The following LARGE1 variants were observed in gnomAD, a reference collection of about 807,000 sequenced individuals.
LARGE1 encodes the protein LARGE xylosyl- and glucuronyltransferase 1.
Under a neutral mutation model 87.6 loss-of-function variants are expected in LARGE1, and 43 were observed. The ratio of observed to expected loss-of-function variants is 0.49; its 90% CI spans 0.38 to 0.63. LARGE1 has a LOEUF of 0.63. Ranked by LOEUF, LARGE1 falls within the 30% of genes least tolerant of loss-of-function variation. The pLI is 0.00. For synonymous variants in LARGE1, 434 were observed against 394.6 expected, an observed-to-expected ratio of 1.10 and a Z score of -1.18; for missense variants, 802 against 1,000.2, an observed-to-expected ratio of 0.80 and a Z score of 2.67.
intron 1 of LARGE1, among the ~76,000 whole-genome samples, 182 bp from the exon 2 acceptor site, chr22:33,761,740 A>G (rs536355293): frequency 1.5e-4 from 22 of 150,744 alleles, no homozygotes; most frequent in South Asian, 1.5e-3. Flanking sequence ...CAATAAATAA[A>G]TAAGTAAATA....
At chr22:33,852,866 AAAAAAAAAAAAAAGAAAG>A (rs978830025) in intron 1 of LARGE1, among the ~76,000 whole-genome samples, 69 of 105,458 alleles carry the variant, frequency 6.5e-4, no homozygotes, top group South Asian at 1.8e-3. Context: ...CAAAAAAAAA[AAAAAAAAAAAAAAGAAAG>A]AAAGAAAGAA....
the LARGE1 span, among the ~76,000 whole-genome samples, chr22:33,089,385 T>TCC: frequency 1.4e-5 from 2 of 144,092 alleles, no homozygotes; most frequent in African/African-American, 5.3e-5. Context: ...CTTCTTCTTC[T>TCC]TCCTCTTCTT....
intron 3 of LARGE1, among the ~76,000 whole-genome samples, chr22:33,630,233 A>G (rs1163263658): frequency 6.6e-6 from 1 of 151,898 alleles, no homozygotes. Flanking sequence ...AAACCAAAAA[A>G]CAAACAAACA....
chr22:33,508,069 C>G (rs1248120294), intron 6 of LARGE1, among the ~76,000 whole-genome samples: 1 of 152,188 alleles, frequency 6.6e-6, no homozygotes, highest in African/African-American at 2.4e-5. Context: ...GCTCCCTCTC[C>G]TAATTAACAA....
At chr22:33,794,065 A>G (rs1246772162) in intron 1 of LARGE1, among the ~76,000 whole-genome samples, 1 of 152,188 alleles carries the variant, frequency 6.6e-6, no homozygotes, top group African/African-American at 2.4e-5. Context: ...GGCTGCAAGC[A>G]TGAAGATGGT....
At chr22:33,884,640 G>A (rs150256671) in intron 1 of LARGE1, among the ~76,000 whole-genome samples, 87 of 152,326 alleles carry the variant, frequency 5.7e-4, no homozygotes, top group African/African-American at 1.9e-3. Flanking sequence ...TCGAGGTCAC[G>A]GCTTACACTG....
At chr22:33,582,877 T>C (rs2078562552) in intron 5 of LARGE1, among the ~76,000 whole-genome samples, 2 of 152,242 alleles carry the variant, frequency 1.3e-5, no homozygotes, top group Non-Finnish European at 1.5e-5. Flanking sequence ...TGCTAGATAG[T>C]AGCTCCAAGG....
chr22:33,665,248 T>C (rs1458513349), intron 2 of LARGE1, among the ~76,000 whole-genome samples: 4 of 152,264 alleles, frequency 2.6e-5, no homozygotes, highest in African/African-American at 9.6e-5. Context: ...ATCACAACAC[T>C]CTCCTCAAGT....
intron 2 of LARGE1, among the ~76,000 whole-genome samples, chr22:33,675,018 C>T (rs1418964907): frequency 2.0e-5 from 3 of 151,688 alleles, no homozygotes; most frequent in African/African-American, 4.8e-5. Flanking sequence ...AGAGGCCAGG[C>T]GCGGTGACTC....
chr22:33,407,477 TTCTA>T (rs1426345945), intron 7 of LARGE1, among the ~76,000 whole-genome samples: 2 of 152,232 alleles, frequency 1.3e-5, no homozygotes, highest in South Asian at 2.1e-4. Flanking sequence ...CCTCAGGTAA[TTCTA>T]TCTTTCTTTT....
At chr22:33,378,174 A>T (rs1469119647) in intron 9 of LARGE1, among the ~76,000 whole-genome samples, 1 of 152,102 alleles carries the variant, frequency 6.6e-6, no homozygotes, top group Non-Finnish European at 1.5e-5. Flanking sequence ...ATTCTTCTAG[A>T]TCAGATTTAT....
At chr22:33,235,200 T>C (rs528781902) in intron 11 of LARGE1, among the ~76,000 whole-genome samples, 1 of 152,342 alleles carries the variant, frequency 6.6e-6, no homozygotes, top group African/African-American at 2.4e-5. Context: ...ACAAGGTTTC[T>C]CCTGCATGCA....
chr22:33,700,457 T>C (rs2082373134), intron 2 of LARGE1, among the ~76,000 whole-genome samples: 1 of 152,162 alleles, frequency 6.6e-6, no homozygotes, highest in African/African-American at 2.4e-5. Context: ...GTGGTATGTG[T>C]GTAAATGACT....
intron 1 of LARGE1, among the ~76,000 whole-genome samples, chr22:33,770,953 C>G (rs766349124): frequency 6.6e-6 from 1 of 152,128 alleles, no homozygotes; most frequent in Non-Finnish European, 1.5e-5. Context: ...ATATCTGCCA[C>G]TTCACATTAA....
chr22:33,356,157 T>A (rs904877154), intron 9 of LARGE1, among the ~76,000 whole-genome samples: 13 of 152,250 alleles, frequency 8.5e-5, no homozygotes, highest in Non-Finnish European at 1.6e-4. Flanking sequence ...CTTCTAGGAA[T>A]CTTGTTGTTT....
chr22:33,690,078 G>A (rs978369321), intron 2 of LARGE1, among the ~76,000 whole-genome samples: 4 of 152,184 alleles, frequency 2.6e-5, no homozygotes, highest in African/African-American at 7.2e-5. Flanking sequence ...GCTTCCAAGG[G>A]GAAGCTCCGC....
chr22:33,091,016 C>A, the LARGE1 span, among the ~76,000 whole-genome samples: 2 of 152,244 alleles, frequency 1.3e-5, no homozygotes, highest in Non-Finnish European at 1.5e-5. Flanking sequence ...TTATTTCTAA[C>A]CCTTGGAGGC....
At chr22:33,610,024 A>C (rs1430473481) in intron 4 of LARGE1, among the ~76,000 whole-genome samples, 1 of 152,114 alleles carries the variant, frequency 6.6e-6, no homozygotes, top group African/African-American at 2.4e-5. Flanking sequence ...CTAGAAGCCA[A>C]GCAGATGCTG....
intron 1 of LARGE1, among the ~76,000 whole-genome samples, chr22:33,894,728 A>G (rs36006309): frequency 0.26 from 39,786 of 151,846 alleles, 6,671 homozygotes; most frequent in African/African-American, 0.47. Flanking sequence ...GTGTGACCTC[A>G]TACAAGGAAA....
Sources: allele counts gnomAD v4.1 joint callset (sites outside exome capture counted in the v4.1 genomes callset), GRCh38; gene constraint gnomAD v4.1.1; transcripts MANE v1.5; gene names NCBI Gene and HGNC (gene_info 2026-07-23, HGNC 2026-07-21).